Variants in SCFD2 observed in about 807,000 individuals in gnomAD.
SCFD2 encodes the protein sec1 family domain-containing protein 2.
Under a neutral mutation model 58.9 loss-of-function variants are expected in SCFD2, and 54 were observed. The observed-to-expected ratio is 0.92, with a 90% confidence interval of 0.74 to 1.15. The LOEUF (loss-of-function observed/expected upper bound fraction) is 1.15. SCFD2 is among the 50% of genes most tolerant of loss of function. The pLI is 0.00. For missense variants in SCFD2, 805 were observed against 836.6 expected, an observed-to-expected ratio of 0.96 and a Z score of 0.47; for synonymous variants, 321 against 335.9, an observed-to-expected ratio of 0.96 and a Z score of 0.49.
chr4:53,170,947 A>G (rs1314955265), intron 4 of SCFD2, among the ~76,000 whole-genome samples: 1 of 152,184 alleles, frequency 6.6e-6, no homozygotes, highest in Non-Finnish European at 1.5e-5. Context: ...AGGGTTTTCT[A>G]TACATGAGAT....
chr4:53,248,145 T>C (rs1027885828), intron 4 of SCFD2, among the ~76,000 whole-genome samples: 3 of 152,122 alleles, frequency 2.0e-5, no homozygotes, highest in Non-Finnish European at 2.9e-5. Context: ...CCTTTCTTGG[T>C]CAAGGAAAGG....
chr4:53,249,972 A>G (rs1730292905), intron 4 of SCFD2, among the ~76,000 whole-genome samples: 1 of 152,186 alleles, frequency 6.6e-6, no homozygotes, highest in Non-Finnish European at 1.5e-5. Context: ...AATGTAAATG[A>G]ACTAAATGCT....
chr4:53,133,483 T>A (rs899939573), intron 5 of SCFD2, among the ~76,000 whole-genome samples: 2 of 152,116 alleles, frequency 1.3e-5, no homozygotes, highest in Non-Finnish European at 2.9e-5. Flanking sequence ...AAACAAAACG[T>A]CCATGCCTTG....
rs376551223 is a variant in SCFD2 at position 53,242,223 on chromosome 4, C to G, written c.1311+31603G>C. 9.8e-5 allele frequency among the ~76,000 whole-genome samples: 15 copies of G among 152,330 alleles called. No homozygotes were observed. In the East Asian group the frequency reaches 2.1e-3, roughly 22 times the overall value. ...CTATGAAGTGCATTGGCTGACACCA[C>G]CCATCAGAGTGTTGTGACCAGCAGT... On this transcript the variant is annotated intron_variant, in intron 4 of 8. Transcript: ENST00000401642.
Position 53,134,627 on chromosome 4 carries a change from A to C in SCFD2, c.1561+10706T>G, listed in dbSNP as rs559570070. ...GAGTAACAGGAATCTCTATACCATT[A>C]TTTTATGTCAAAGTTTTGGGAATTA... On this transcript the variant is annotated intron_variant, in intron 5 of 8. Transcript: ENST00000401642. 2.0e-5 allele frequency among the ~76,000 whole-genome samples: 3 copies of C among 152,360 alleles called. No homozygotes were observed. In the South Asian group the frequency reaches 6.2e-4, roughly 32 times the overall value.
rs189916659 is a variant in SCFD2, at chr4:53,099,535, C to T, written c.1561+45798G>A. Among the ~76,000 whole-genome samples, 525 of 152,290 alleles carry T rather than the reference C, an allele frequency of 3.4e-3. 1 individual carries two copies. The highest frequency in any genetic ancestry group is 5.8e-3 in the Non-Finnish European group (396 of 68,020). On this transcript the variant is annotated intron_variant, in intron 5 of 8. Coordinates refer to ENST00000401642, the MANE Select transcript of SCFD2 (RefSeq NM_152540.4). Reference sequence around the variant, plus strand: ...TGTACAAGACGCATGGCGCCAGCATCTGCTTGGCTTCTGGTGAGGGCCTCA... The same window carrying T: ...TGTACAAGACGCATGGCGCCAGCATTTGCTTGGCTTCTGGTGAGGGCCTCA...
intron 5 of SCFD2, among the ~76,000 whole-genome samples, chr4:53,080,806 T>C (rs1724126690): frequency 6.6e-6 from 1 of 152,186 alleles, no homozygotes; most frequent in South Asian, 2.1e-4. Flanking sequence ...TGTTTTAATA[T>C]AAATAGCTGT....
chr4:53,185,927 C>T (rs1286171832), intron 4 of SCFD2, among the ~76,000 whole-genome samples: 1 of 152,078 alleles, frequency 6.6e-6, no homozygotes, highest in African/African-American at 2.4e-5. Flanking sequence ...GTGAAATGTA[C>T]AATTCAGCAA....
chr4:52,955,993 T>A (rs1168890839), intron 5 of SCFD2: 1 of 453,290 alleles, frequency 2.2e-6, no homozygotes, highest in African/African-American at 2.0e-5. Flanking sequence ...ATTGCTGTGG[T>A]CAGCAACACC....
chr4:53,094,102 C>A (rs1052547921), intron 5 of SCFD2, among the ~76,000 whole-genome samples: 3 of 152,038 alleles, frequency 2.0e-5, no homozygotes, highest in African/African-American at 7.2e-5. Context: ...TTAGAAAAGT[C>A]ACATAACCTT....
chr4:52,979,793 G>A (rs1278033325), intron 5 of SCFD2, among the ~76,000 whole-genome samples: 1 of 152,174 alleles, frequency 6.6e-6, no homozygotes, highest in Non-Finnish European at 1.5e-5. Context: ...AATCCGAGTT[G>A]ATTCCCCACC....
intron 5 of SCFD2, among the ~76,000 whole-genome samples, chr4:53,073,822 C>A (rs756866295): frequency 3.3e-5 from 5 of 151,872 alleles, no homozygotes; most frequent in Non-Finnish European, 4.4e-5. Flanking sequence ...AATGTACATA[C>A]CTTAATTAAA....
intron 5 of SCFD2, among the ~76,000 whole-genome samples, chr4:52,940,342 G>A (rs1720260655): frequency 6.6e-6 from 1 of 152,150 alleles, no homozygotes; most frequent in Non-Finnish European, 1.5e-5. Flanking sequence ...CAGTTTCACA[G>A]GGAGATCCCT....
chr4:53,058,667 C>G (rs1184196648), intron 5 of SCFD2, among the ~76,000 whole-genome samples: 1 of 152,044 alleles, frequency 6.6e-6, no homozygotes, highest in Non-Finnish European at 1.5e-5. Context: ...CAAAATTGCC[C>G]CTAACAATCT....
intron 7 of SCFD2, among the ~76,000 whole-genome samples, chr4:52,900,150 C>A (rs983418718): frequency 6.6e-6 from 1 of 152,192 alleles, no homozygotes; most frequent in East Asian, 1.9e-4. Flanking sequence ...TCTCTCAACT[C>A]GTCAAAGTCA....
At chr4:53,191,393 A>T (rs566764393) in intron 4 of SCFD2, among the ~76,000 whole-genome samples, 1 of 152,084 alleles carries the variant, frequency 6.6e-6, no homozygotes, top group African/African-American at 2.4e-5. Flanking sequence ...TTCATAAATT[A>T]TGGTTATATG....
chr4:52,899,405 A>C (rs868373368), intron 7 of SCFD2, among the ~76,000 whole-genome samples: 36 of 152,226 alleles, frequency 2.4e-4, no homozygotes, highest in Middle Eastern at 6.8e-3. Context: ...TCCTTCACTT[A>C]TGAAGCTTAG....
intron 2 of SCFD2, among the ~76,000 whole-genome samples, chr4:53,341,481 T>C (rs370121102): frequency 4.9e-4 from 74 of 152,274 alleles, no homozygotes; most frequent in African/African-American, 1.7e-3. Context: ...CTACGTCTGA[T>C]TGGTGTACCT....
intron 8 of SCFD2, among the ~76,000 whole-genome samples, chr4:52,875,835 T>G (rs1412889583): frequency 1.5e-5 from 1 of 67,596 alleles, no homozygotes; most frequent in East Asian, 4.4e-4. Flanking sequence ...TATATATATA[T>G]ATATATATAT....
Sources: gnomAD v4.1 joint callset for allele counts (sites outside exome capture counted in the v4.1 genomes callset) on GRCh38, gnomAD v4.1.1 for gene constraint, MANE v1.5 for transcripts, NCBI Gene and HGNC (gene_info 2026-07-23, HGNC 2026-07-21) for gene names.